Variants in CUZD1 observed in about 807,000 individuals in gnomAD.
CUZD1 encodes the protein CUB and zona pellucida-like domain-containing protein 1.
A neutral mutation model predicts 53.1 loss-of-function variants in CUZD1; 42 were observed. The observed-to-expected ratio is 0.79, with a 90% confidence interval of 0.62 to 1.02. The LOEUF is 1.02. Ranked by LOEUF, CUZD1 falls within the 50% of genes least tolerant of loss-of-function variation. The pLI is 0.00. For missense variants in CUZD1, 670 were observed against 715.7 expected (o/e 0.94, Z 0.73); for synonymous variants, 238 against 257.2 (o/e 0.93, Z 0.71).
At position 122,834,780 on chromosome 10, in the gene CUZD1, C is replaced by T. The variant is rs1847221314; in HGVS notation, c.1308G>A (p.Val436=). ...VSLHTSDPNL[V]VFLDTCRASP... The stretch of plus-strand genomic sequence containing the variant: ...AGGCTCTACAGGTATCAAGAAACAC[C>T]ACCAAATTTGGATCTGAGGTGTGCA... The change falls in exon 7 of 9, where the codon GTG becomes GTA. Residue 436 remains valine, a synonymous_variant. Coordinates refer to ENST00000392790, the MANE Select transcript of CUZD1 (RefSeq NM_022034.6). The T allele has an allele frequency of 1.9e-6, 3 of 1,613,660 alleles. No homozygotes were observed. The highest frequency in any genetic ancestry group is 2.5e-6 in the Non-Finnish European group (3 of 1,179,740).
chr10:122,836,088 G>T, intron 6 of CUZD1, 90 bp downstream of exon 6: 1 of 1,267,530 alleles, frequency 7.9e-7, no homozygotes, highest in Non-Finnish European at 1.1e-6. Context: ...GGGGTCGTTT[G>T]TTACAGCAGC....
rs1847172078 is a variant in CUZD1, at chr10:122,832,201, T to C, written c.*77A>G. The stretch of plus-strand genomic sequence containing the variant: ...TTTCAGGCCCTTCCTCATTTATTCA[T>C]AATATGTGTAGCCACGAGGTAGCAT... On this transcript the variant is annotated 3_prime_UTR_variant, in exon 9 of 9. Coordinates refer to ENST00000392790, the MANE Select transcript of CUZD1 (RefSeq NM_022034.6). 2.7e-6 allele frequency: 4 copies of C among 1,456,264 alleles called. No homozygotes were observed. Among genetic ancestry groups the C allele is most frequent in the Admixed American group, 1.8e-5 (1 of 56,756 alleles). The allele number at this position is 1,456,264 out of a possible 1,614,324, so 90.2% of individuals were successfully genotyped here.
At chr10:122,837,142 A>AT (rs371817686) in intron 4 of CUZD1, 94 bp from the exon 5 acceptor site, 2,313 of 1,017,956 alleles carry the variant, frequency 2.3e-3, no homozygotes, top group Middle Eastern at 5.2e-3. Context: ...GTGATTATGG[A>AT]TTTTTTTTTT....
At chr10:122,843,995 CTATA>C (rs994715131) in intron 1 of CUZD1, among the ~76,000 whole-genome samples, 6 of 146,990 alleles carry the variant, frequency 4.1e-5, no homozygotes, top group African/African-American at 1.5e-4. Context: ...TATAGAGAGA[CTATA>C]TATATAGAGA....
intron 4 of CUZD1, 69 bp from the exon 5 acceptor site, chr10:122,837,117 C>T: frequency 8.5e-7 from 1 of 1,179,042 alleles, no homozygotes; most frequent in African/African-American, 1.5e-5. Flanking sequence ...AACATCCCAA[C>T]AATCCTACTC....
intron 1 of CUZD1, among the ~76,000 whole-genome samples, chr10:122,843,987 TAGAG>T (rs1285890090): frequency 1.3e-5 from 2 of 148,186 alleles, no homozygotes; most frequent in Admixed American, 1.4e-4. Context: ...ATATAGACTA[TAGAG>T]AGACTATATA....
At position 122,837,482 on chromosome 10, in the gene CUZD1, T is replaced by G; in HGVS notation, c.521A>C (p.His174Pro). ...SFTSPNYPKP[H>P]PELAYCVWHI... is the part of the protein sequence containing the mutation. Reference sequence around the variant, plus strand: ...CCACACACAATAAGCCAGCTCAGGATGCGGCTTTGGGTAATTGGGGCTGGT... The same window carrying G: ...CCACACACAATAAGCCAGCTCAGGAGGCGGCTTTGGGTAATTGGGGCTGGT... The change falls in exon 4 of 9, where the codon CAT (histidine) becomes CCT (proline). Residue 174 changes from histidine (H) to proline (P), a missense_variant. Physicochemically the swap from His to Pro is moderately conservative, Grantham distance 77. Coordinates refer to ENST00000392790, the MANE Select transcript of CUZD1 (RefSeq NM_022034.6). 3 of 1,612,778 alleles carry G rather than the reference T, an allele frequency of 1.9e-6. No individual in the cohort carries two copies. Among genetic ancestry groups the G allele is most frequent in the Non-Finnish European group, 2.5e-6 (3 of 1,179,564 alleles).
Position 122,837,004 on chromosome 10 carries a change from T to C in CUZD1, c.644A>G (p.Tyr215Cys), listed in dbSNP as rs756644803. The part of the protein sequence containing the change: ...KQCKFDFLAI[Y>C]DGPSTNSGLI... ...GCCAGAGTTGGTGGAGGGGCCATCA[T>C]AGATGGCAAGAAAATCAAATTTGCA... The change falls in exon 5 of 9, where the codon TAT (tyrosine) becomes TGT (cysteine). Residue 215 changes from tyrosine to cysteine, a missense_variant. Physicochemically the swap from Tyr to Cys is radical, Grantham distance 194. Transcript: ENST00000392790. 1.3e-5 allele frequency: 21 copies of C among 1,613,742 alleles called. No homozygotes were observed. In the East Asian group the frequency reaches 2.2e-4, roughly 17 times the overall value.
chr10:122,836,765 T>C (rs763663836), intron 5 of CUZD1, 66 bp downstream of exon 5: 2 of 1,315,406 alleles, frequency 1.5e-6, no homozygotes, highest in Non-Finnish European at 2.2e-6. Flanking sequence ...GGCTAAAAAT[T>C]AACAATTTCT....
At chr10:122,845,095 G>A (rs1027680798) in intron 1 of CUZD1, among the ~76,000 whole-genome samples, 2 of 131,526 alleles carry the variant, frequency 1.5e-5, no homozygotes, top group African/African-American at 5.7e-5. Flanking sequence ...TTTTTTTTAT[G>A]AGACGGAGTC....
Position 122,833,677 on chromosome 10 carries a change from T to C in CUZD1, c.1646A>G (p.Asn549Ser). The C allele has an allele frequency of 6.2e-7, 1 of 1,612,718 alleles. No individual in the cohort carries two copies. The highest frequency in any genetic ancestry group is 1.1e-5 in the South Asian group (1 of 91,002). Residue 549 changes from asparagine to serine, a missense_variant, in exon 8 of 9, where the codon AAT becomes AGT. Asn to Ser is a conservative substitution (Grantham distance 46). Coordinates refer to ENST00000392790, the MANE Select transcript of CUZD1 (RefSeq NM_022034.6). ...TGGAATAGCTTTTTTCTTACCTGAATTGCCACTTGCACTTCGATCCCTTTT... is the reference window on the plus strand; with the variant it reads ...TGGAATAGCTTTTTTCTTACCTGAACTGCCACTTGCACTTCGATCCCTTTT... ...RLKRDRSASG[N>S]SGFQHETHAE...
At chr10:122,833,617 C>T in intron 8 of CUZD1, 55 bp downstream of exon 8, 1 of 1,561,746 alleles carries the variant, frequency 6.4e-7, no homozygotes. Context: ...TGGATTTGAG[C>T]AGCATTTTAT....
chr10:122,834,649 A>G (rs1847217651), intron 7 of CUZD1, 57 bp downstream of exon 7: 1 of 1,401,990 alleles, frequency 7.1e-7, no homozygotes, highest in South Asian at 1.7e-5. Context: ...TACTTTATTG[A>G]AATTATTATT....
Position 122,832,398 on chromosome 10 carries a change from A to G in CUZD1, c.1704T>C (p.Ser568=), listed in dbSNP as rs763527312. The part of the protein sequence containing the change: ...AEETPNQPFN[S]VHLFSFMVLA... ...GAACCATGAAGGAAAACAGATGCAC[A>G]CTGTTGAAAGGCTGGTTTGGAGTTT... The change falls in exon 9 of 9, where the codon AGT becomes AGC. Residue 568 remains serine (S), a synonymous_variant. Coordinates refer to ENST00000392790, the MANE Select transcript of CUZD1 (RefSeq NM_022034.6). The G allele has an allele frequency of 1.2e-6, 2 of 1,614,104 alleles. No individual in the cohort carries two copies. The highest frequency in any genetic ancestry group is 2.2e-5 in the East Asian group (1 of 44,874).
rs1257643157 is a variant in CUZD1, at chr10:122,834,918, C to T, written c.1170G>A (p.Leu390=). Reference sequence around the variant, plus strand: ...GAGCCATGCTGGTGTTATATTTGCCCAGTGCATTTTGACTTTGTATTACAT... The same window carrying T: ...GAGCCATGCTGGTGTTATATTTGCCTAGTGCATTTTGACTTTGTATTACAT... The part of the protein sequence containing the change: ...EDDVIQSQNA[L]GKYNTSMALF... Residue 390 remains leucine, a synonymous_variant, in exon 7 of 9, where the codon CTG becomes CTA. Transcript: ENST00000392790. 34 of 1,613,286 alleles carry T rather than the reference C, an allele frequency of 2.1e-5. No individual in the cohort carries two copies. The highest frequency in any genetic ancestry group is 2.5e-5 in the Non-Finnish European group (29 of 1,179,550).
chr10:122,832,313 C>A lies in CUZD1; in HGVS notation c.1789G>T (p.Ala597Ser), dbSNP rs777382719. 1 of 1,613,914 alleles carries A rather than the reference C, an allele frequency of 6.2e-7. No homozygotes were observed. The highest frequency in any genetic ancestry group is 8.5e-7 in the Non-Finnish European group (1 of 1,179,932). ...TGCAGCTTCTGGTATTTGTAGTCTG[C>A]CCGTTGATTTACAAAATGCCTCACT... ...ITVRHFVNQR[A>S]DYKYQKLQNY The change falls in exon 9 of 9, where the codon GCA (alanine) becomes TCA (serine). Residue 597 changes from alanine to serine, a missense_variant. Coordinates refer to ENST00000392790, the MANE Select transcript of CUZD1 (RefSeq NM_022034.6).
chr10:122,838,582 G>A (rs761159533), intron 3 of CUZD1, among the ~76,000 whole-genome samples: 1 of 152,152 alleles, frequency 6.6e-6, no homozygotes, highest in African/African-American at 2.4e-5. Flanking sequence ...TCAACAACCC[G>A]AACCAAGATC....
intron 2 of CUZD1, among the ~76,000 whole-genome samples, chr10:122,840,157 A>G (rs1401760957): frequency 6.6e-6 from 1 of 152,210 alleles, no homozygotes; most frequent in East Asian, 1.9e-4. Context: ...AGGAAATTTG[A>G]GGCCTCTTTT....
At chr10:122,834,278 C>T (rs1472684090) in intron 7 of CUZD1, among the ~76,000 whole-genome samples, 3 of 152,256 alleles carry the variant, frequency 2.0e-5, no homozygotes, top group Non-Finnish European at 2.9e-5. Context: ...GGAAATTGTT[C>T]CTTTCAAATA....
Sources: allele counts gnomAD v4.1 joint callset (sites outside exome capture counted in the v4.1 genomes callset), GRCh38; gene constraint gnomAD v4.1.1; transcripts MANE v1.5; gene names NCBI Gene and HGNC (gene_info 2026-07-23, HGNC 2026-07-21).